FMNL2: variants seen among roughly 807,000 people sequenced by gnomAD.
FMNL2 encodes the protein formin-like protein 2.
FMNL2 carries 51 observed loss-of-function variants against 130.2 expected under a neutral mutation model. The ratio of observed to expected loss-of-function variants is 0.39; its 90% confidence interval spans 0.31 to 0.49. The LOEUF (loss-of-function observed/expected upper bound fraction) is 0.49, where lower values mean the gene tolerates loss of function less well. Ranked by LOEUF, FMNL2 falls within the 20% of genes least tolerant of loss-of-function variation. The pLI, the probability that FMNL2 is intolerant of heterozygous loss-of-function variation, is 0.85. For synonymous variants in FMNL2, 465 were observed against 467.1 expected, an observed-to-expected ratio of 1.00 and a Z score of 0.06; for missense variants, 977 against 1,316.2, an observed-to-expected ratio of 0.74 and a Z score of 3.99.
chr2:152,437,309 C>T lies in FMNL2; in HGVS notation c.118-84634C>T, dbSNP rs942950514. ...TAGACATTTGATTTGCTGCTCTGTA[C>T]CTGACATGGAGCAAATATACCTCTT... On this transcript the variant is annotated intron_variant, in intron 1 of 25. Transcript: ENST00000288670. Among the ~76,000 whole-genome samples, 3 of 152,128 alleles carry T rather than the reference C, an allele frequency of 2.0e-5. No homozygotes were observed. The South Asian group carries it at 6.2e-4, about 32-fold the overall frequency.
intron 1 of FMNL2, among the ~76,000 whole-genome samples, chr2:152,477,862 C>G (rs1320534154): frequency 3.3e-5 from 5 of 151,934 alleles, no homozygotes; most frequent in Non-Finnish European, 7.4e-5. Flanking sequence ...TACACACAAA[C>G]TATAGACACA....
intron 6 of FMNL2, among the ~76,000 whole-genome samples, chr2:152,561,308 TAGGC>T (rs1695509617): frequency 6.6e-6 from 1 of 152,130 alleles, no homozygotes; most frequent in Admixed American, 6.5e-5. Flanking sequence ...GATAGTCTCA[TAGGC>T]AGATAAGGTT....
At chr2:152,454,144 G>A (rs569199526) in intron 1 of FMNL2, among the ~76,000 whole-genome samples, 2 of 152,242 alleles carry the variant, frequency 1.3e-5, no homozygotes, top group South Asian at 4.1e-4. Flanking sequence ...GGGCATGGTG[G>A]CAGATGCCTG....
At chr2:152,410,614 T>A (rs1015405441) in intron 1 of FMNL2, among the ~76,000 whole-genome samples, 2 of 152,340 alleles carry the variant, frequency 1.3e-5, no homozygotes, top group East Asian at 3.9e-4. Context: ...TACTGTGACT[T>A]CAATAGTGGG....
At chr2:152,492,372 A>G (rs1390825875) in intron 1 of FMNL2, among the ~76,000 whole-genome samples, 1 of 152,248 alleles carries the variant, frequency 6.6e-6, no homozygotes, top group Admixed American at 6.5e-5. Flanking sequence ...CTAAAATAGC[A>G]TAGTATCAGA....
Position 152,578,955 on chromosome 2 carries a change from A to G in FMNL2, c.773A>G (p.Lys258Arg), listed in dbSNP as rs1182311419. Residue 258 changes from lysine to arginine, a missense_variant, in exon 8 of 26, where the codon AAG becomes AGG. Transcript: ENST00000288670. ...VNEIALSLNN[K>R]NPRTKALVLE... ...GAGATTGCACTAAGCCTGAACAACA[A>G]GAATCCCAGGTAAGCTGCTTTTGTA... 6.2e-7 allele frequency: 1 copy of G among 1,613,342 alleles called. No homozygotes were observed. Among genetic ancestry groups the G allele is most frequent in the Non-Finnish European group, 8.5e-7 (1 of 1,179,518 alleles).
At chr2:152,621,231 C>G in intron 15 of FMNL2, 1 of 723,466 alleles carries the variant, frequency 1.4e-6, no homozygotes, top group Non-Finnish European at 1.7e-6. Flanking sequence ...TCCTTTGTCT[C>G]TGACAAACGC....
chr2:152,478,248 ATATTTT>A (rs1432885211), intron 1 of FMNL2, among the ~76,000 whole-genome samples: 27 of 75,742 alleles, frequency 3.6e-4, no homozygotes, highest in African/African-American at 1.1e-3. Flanking sequence ...ATATATATAT[ATATTTT>A]TTTTTTTTTT....
intron 1 of FMNL2, among the ~76,000 whole-genome samples, chr2:152,506,242 A>G (rs1692163794): frequency 6.6e-6 from 1 of 152,180 alleles, no homozygotes; most frequent in African/African-American, 2.4e-5. Context: ...CTTAAGATTA[A>G]AATTCTTCAT....
intron 9 of FMNL2, among the ~76,000 whole-genome samples, chr2:152,591,153 C>T (rs533325665): frequency 8.6e-5 from 13 of 151,678 alleles, no homozygotes; most frequent in Middle Eastern, 3.4e-3. Context: ...GGACTACAGG[C>T]GAGTGCCACC....
intron 1 of FMNL2, among the ~76,000 whole-genome samples, chr2:152,514,084 C>G (rs1692628487): frequency 6.6e-6 from 1 of 152,124 alleles, no homozygotes; most frequent in Non-Finnish European, 1.5e-5. Flanking sequence ...TTTGCAGCCA[C>G]CCTGCTGAGG....
chr2:152,466,650 T>C (rs1052042769), intron 1 of FMNL2, among the ~76,000 whole-genome samples: 6 of 152,186 alleles, frequency 3.9e-5, no homozygotes, highest in Non-Finnish European at 8.8e-5. Flanking sequence ...CTGGACTTCC[T>C]TTGTCTTCCT....
intron 4 of FMNL2, among the ~76,000 whole-genome samples, chr2:152,552,568 C>CT (rs751405647): frequency 9.2e-5 from 14 of 152,074 alleles, no homozygotes; most frequent in Admixed American, 2.6e-4. Context: ...GCCTAAAACT[C>CT]TATAAATGGA....
chr2:152,502,387 G>GA (rs1691894201), intron 1 of FMNL2, among the ~76,000 whole-genome samples: 1 of 152,172 alleles, frequency 6.6e-6, no homozygotes, highest in African/African-American at 2.4e-5. Context: ...TCCAAGATAG[G>GA]AAAAAATACC....
chr2:152,412,486 ATATATATATATATAT>A (rs1686371013), intron 1 of FMNL2, among the ~76,000 whole-genome samples: 3 of 97,350 alleles, frequency 3.1e-5, no homozygotes, highest in African/African-American at 4.7e-5. Context: ...ATATATATAT[ATATATATATATATAT>A]AAATTAGAAA....
intron 2 of FMNL2, among the ~76,000 whole-genome samples, chr2:152,541,453 A>G (rs1360009357): frequency 6.6e-6 from 1 of 152,182 alleles, no homozygotes. Context: ...GCATCTATAT[A>G]GAAAAGGTAG....
intron 6 of FMNL2, among the ~76,000 whole-genome samples, chr2:152,574,450 A>G (rs559148456): frequency 7.6e-4 from 112 of 148,258 alleles, no homozygotes; most frequent in African/African-American, 2.0e-3. Context: ...AAAAAAAAAA[A>G]AAAAGAAAAG....
intron 1 of FMNL2, among the ~76,000 whole-genome samples, chr2:152,410,299 C>T (rs954949792): frequency 1.3e-5 from 2 of 152,212 alleles, no homozygotes; most frequent in Admixed American, 6.5e-5. Context: ...TCACACATCA[C>T]ACCATCACAT....
chr2:152,426,383 G>T (rs1687203753), intron 1 of FMNL2, among the ~76,000 whole-genome samples: 1 of 152,248 alleles, frequency 6.6e-6, no homozygotes, highest in South Asian at 2.1e-4. Flanking sequence ...CCCCTCGGTT[G>T]TGGTTGCCAT....
Sources: gnomAD v4.1 joint callset for allele counts (sites outside exome capture counted in the v4.1 genomes callset) on GRCh38, gnomAD v4.1.1 for gene constraint, MANE v1.5 for transcripts, NCBI Gene and HGNC (gene_info 2026-07-23, HGNC 2026-07-21) for gene names.